EPHA3: variants seen among roughly 807,000 people sequenced by gnomAD.
EPHA3 encodes EPH receptor A3.
EPHA3 carries 42 observed loss-of-function variants against 107.1 expected under a neutral mutation model. The observed-to-expected ratio is 0.39, with a 90% confidence interval of 0.31 to 0.51. EPHA3 has a LOEUF of 0.51. EPHA3 is among the 20% of genes least tolerant of loss of function. The pLI, the probability that EPHA3 is intolerant of heterozygous loss-of-function variation, is 0.78. For synonymous variants in EPHA3, 461 were observed against 424.8 expected (o/e 1.09, Z -1.05); for missense variants, 1,183 against 1,211.2 (o/e 0.98, Z 0.35).
At chr3:89,410,479 G>A (rs1027927450) in intron 9 of EPHA3, among the ~76,000 whole-genome samples, 2 of 151,846 alleles carry the variant, frequency 1.3e-5, no homozygotes, top group Non-Finnish European at 2.9e-5. Flanking sequence ...TCTCCCCCAC[G>A]TTAATTTCCT....
intron 3 of EPHA3, among the ~76,000 whole-genome samples, chr3:89,309,948 C>T (rs544575262): frequency 6.8e-6 from 1 of 146,570 alleles, no homozygotes; most frequent in South Asian, 2.3e-4. Context: ...CTACAAGTTA[C>T]AAATCTTGTG....
chr3:89,380,051 A>T (rs1293738064), intron 5 of EPHA3, among the ~76,000 whole-genome samples: 1 of 152,336 alleles, frequency 6.6e-6, no homozygotes, highest in Middle Eastern at 3.4e-3. Flanking sequence ...CCAGGCATAT[A>T]TAGGCCATAT....
chr3:89,326,223 T>C lies in EPHA3; in HGVS notation c.815-14693T>C, dbSNP rs921046300. On this transcript the variant is annotated intron_variant, in intron 3 of 16. Coordinates refer to ENST00000336596, the MANE Select transcript of EPHA3 (RefSeq NM_005233.6). The stretch of plus-strand genomic sequence containing the variant: ...AATCCATGGATGCTCAAGTCCCTTG[T>C]ATATAATAGTGTTGTATTTGCAAAT... Among the ~76,000 whole-genome samples, 109 of 152,078 alleles carry C rather than the reference T, an allele frequency of 7.2e-4. 2 individuals carry two copies. Among genetic ancestry groups the C allele is most frequent in the Non-Finnish European group, 1.6e-4 (11 of 68,000 alleles).
intron 5 of EPHA3, among the ~76,000 whole-genome samples, chr3:89,342,701 A>G (rs1707557738): frequency 6.6e-6 from 1 of 152,190 alleles, no homozygotes; most frequent in African/African-American, 2.4e-5. Flanking sequence ...TAACTGATAA[A>G]TGAGTAATAA....
chr3:89,431,183 G>C lies in EPHA3; in HGVS notation c.2170G>C (p.Val724Leu), dbSNP rs2107536765. ...TGCCCAGTTTACTGTCATTCAGCTA[G>C]TGGGGATGCTTCGAGGGATAGCATC... ...HDAQFTVIQL[V>L]GMLRGIASGM... The change falls in exon 13 of 17, where the codon GTG (valine) becomes CTG (leucine). Residue 724 changes from valine (V) to leucine (L), a missense_variant. Transcript: ENST00000336596. 6.2e-7 allele frequency: 1 copy of C among 1,613,846 alleles called. No individual in the cohort carries two copies. The highest frequency in any genetic ancestry group is 1.1e-5 in the South Asian group (1 of 91,050).
At chr3:89,430,636 G>A (rs867693954) in intron 12 of EPHA3, among the ~76,000 whole-genome samples, 18 of 152,206 alleles carry the variant, frequency 1.2e-4, no homozygotes, top group African/African-American at 4.1e-4. Flanking sequence ...CTACAATTCA[G>A]AAGTGGGTAG....
intron 3 of EPHA3, among the ~76,000 whole-genome samples, chr3:89,226,311 C>T (rs1253323961): frequency 6.6e-6 from 1 of 152,040 alleles, no homozygotes; most frequent in Non-Finnish European, 1.5e-5. Flanking sequence ...AAAGTGACAT[C>T]ATGTTTTTAA....
intron 15 of EPHA3, among the ~76,000 whole-genome samples, chr3:89,451,243 C>T (rs1265836787): frequency 1.3e-5 from 2 of 152,020 alleles, no homozygotes; most frequent in Non-Finnish European, 2.9e-5. Flanking sequence ...TTAAGAATCA[C>T]TGAGTTCTCT....
chr3:89,191,393 G>A (rs1378570476), intron 2 of EPHA3, among the ~76,000 whole-genome samples: 3 of 151,664 alleles, frequency 2.0e-5, no homozygotes, highest in African/African-American at 4.8e-5. Flanking sequence ...TGCAAGCTCC[G>A]CTTCCTGGGT....
chr3:89,340,118 C>T (rs1707484076), intron 3 of EPHA3, among the ~76,000 whole-genome samples: 1 of 152,134 alleles, frequency 6.6e-6, no homozygotes, highest in Non-Finnish European at 1.5e-5. Flanking sequence ...TACATAGATG[C>T]TGAACCCTAA....
intron 1 of EPHA3, among the ~76,000 whole-genome samples, chr3:89,114,693 C>T (rs1468657528): frequency 3.9e-5 from 6 of 151,914 alleles, no homozygotes; most frequent in Admixed American, 6.6e-5. Flanking sequence ...GACTCTGTAG[C>T]GAGCGGAGAG....
intron 5 of EPHA3, among the ~76,000 whole-genome samples, chr3:89,364,236 T>A (rs1708147935): frequency 6.6e-6 from 1 of 150,838 alleles, no homozygotes; most frequent in Non-Finnish European, 1.5e-5. Flanking sequence ...TTGTTAATCA[T>A]CTTTGGGTAC....
intron 2 of EPHA3, among the ~76,000 whole-genome samples, chr3:89,129,603 T>TC (rs975681093): frequency 8.1e-5 from 4 of 49,122 alleles, no homozygotes; most frequent in South Asian, 1.6e-3. Context: ...CATTAGATTG[T>TC]TTTTTTTTTT....
intron 2 of EPHA3, among the ~76,000 whole-genome samples, chr3:89,184,748 T>C (rs2107126969): frequency 6.6e-6 from 1 of 152,034 alleles, no homozygotes; most frequent in Admixed American, 6.6e-5. Context: ...CTTCCCCACA[T>C]CTAATAAGAG....
intron 3 of EPHA3, among the ~76,000 whole-genome samples, chr3:89,306,485 T>A (rs1396991365): frequency 2.0e-5 from 3 of 152,176 alleles, no homozygotes; most frequent in East Asian, 3.9e-4. Context: ...AAAATTTAAT[T>A]TTCTATTTTA....
At chr3:89,460,235 C>T (rs1710195351) in intron 15 of EPHA3, among the ~76,000 whole-genome samples, 1 of 151,994 alleles carries the variant, frequency 6.6e-6, no homozygotes, top group African/African-American at 2.4e-5. Context: ...TTCCACTAGC[C>T]AGGTATTGAA....
At chr3:89,320,459 G>A (rs757870639) in intron 3 of EPHA3, among the ~76,000 whole-genome samples, 12 of 151,942 alleles carry the variant, frequency 7.9e-5, no homozygotes, top group Admixed American at 3.3e-4. Flanking sequence ...TATTATCTTC[G>A]CTTTAGGGGA....
intron 15 of EPHA3, among the ~76,000 whole-genome samples, chr3:89,467,262 A>G (rs1710302099): frequency 6.6e-6 from 1 of 152,194 alleles, no homozygotes; most frequent in African/African-American, 2.4e-5. Context: ...ATTCTCAAAC[A>G]ATAATAAATT....
At chr3:89,380,008 G>T (rs1708469672) in intron 5 of EPHA3, among the ~76,000 whole-genome samples, 2 of 152,228 alleles carry the variant, frequency 1.3e-5, no homozygotes, top group South Asian at 4.1e-4. Flanking sequence ...TGCACTTTGG[G>T]TGGGGTTGTC....
Sources: allele counts gnomAD v4.1 joint callset (sites outside exome capture counted in the v4.1 genomes callset), GRCh38; gene constraint gnomAD v4.1.1; transcripts MANE v1.5; gene names NCBI Gene and HGNC (gene_info 2026-07-23, HGNC 2026-07-21).